The following BUB1B variants were observed in gnomAD, a reference collection of about 807,000 sequenced individuals.
The protein encoded by BUB1B is BUB1 mitotic checkpoint serine/threonine kinase B.
A neutral mutation model predicts 137.7 loss-of-function variants in BUB1B; 86 were observed. That is an observed-to-expected ratio of 0.62 (90% CI 0.52 to 0.75). BUB1B has a LOEUF of 0.75. Ranked by LOEUF, BUB1B falls within the 30% of genes least tolerant of loss-of-function variation. BUB1B has a pLI of 0.00. For synonymous variants in BUB1B, 420 were observed against 417.9 expected (o/e 1.00, Z -0.06); for missense variants, 1,130 against 1,236.9 (o/e 0.91, Z 1.30).
chr15:40,170,255 T>A, intron 3 of BUB1B, 134 bp downstream of exon 3: 1 of 880,826 alleles, frequency 1.1e-6, no homozygotes. Context: ...AGATCCAGAA[T>A]AATCATAATA....
rs1261983173 is a variant in BUB1B, at chr15:40,220,961, T to C, written c.*202T>C. 1.6e-6 allele frequency: 1 copy of C among 616,314 alleles called. No homozygotes were observed. The allele number at this position is 616,314 out of a possible 1,614,324, so 38.2% of individuals were successfully genotyped here. A position where few individuals can be genotyped will look rare whatever the true frequency, so the allele number is the denominator to read the frequency against. ...CTTACTCATGGCCTTGTCTAACTTT[T>C]GTGAAGAACTATTTTATTCTAAACA... On this transcript the variant is annotated 3_prime_UTR_variant, in exon 23 of 23. Coordinates refer to ENST00000287598, the MANE Select transcript of BUB1B (RefSeq NM_001211.6).
chr15:40,210,993 G>T (rs2140906880), intron 18 of BUB1B, among the ~76,000 whole-genome samples: 1 of 152,240 alleles, frequency 6.6e-6, no homozygotes, highest in South Asian at 2.1e-4. Flanking sequence ...TCAGTTCTGA[G>T]AAATTTTCTT....
At chr15:40,209,912 C>T (rs1462401833) in intron 17 of BUB1B, 137 bp downstream of exon 17, 2 of 1,120,716 alleles carry the variant, frequency 1.8e-6, no homozygotes, top group Non-Finnish European at 2.7e-6. Flanking sequence ...GAGGATGACA[C>T]ATCAGTAACT....
Position 40,194,087 on chromosome 15 carries a change from A to G in BUB1B, c.1059-2458A>G, listed in dbSNP as rs557688679. ...GAAGTATTTTACTATTTTTGAAGCT[A>G]TAGTAAATAGAATTGTTTTCTTAAT... On this transcript the variant is annotated intron_variant, in intron 8 of 22. Coordinates refer to ENST00000287598, the MANE Select transcript of BUB1B (RefSeq NM_001211.6). Among the ~76,000 whole-genome samples the G allele has an allele frequency of 2.6e-5, 4 of 151,994 alleles. No homozygotes were observed. In the East Asian group the frequency reaches 5.8e-4, roughly 22 times the overall value.
chr15:40,202,055 G>A (rs1383167359), intron 12 of BUB1B, among the ~76,000 whole-genome samples: 1 of 152,034 alleles, frequency 6.6e-6, no homozygotes, highest in Non-Finnish European at 1.5e-5. Flanking sequence ...CATTTTATAG[G>A]TAGGTATCAT....
At chr15:40,219,685 A>C (rs554519397) in intron 22 of BUB1B, among the ~76,000 whole-genome samples, 1 of 151,490 alleles carries the variant, frequency 6.6e-6, no homozygotes, top group East Asian at 1.9e-4. Context: ...GCGCCACTGC[A>C]CTCCACCCAG....
At chr15:40,185,695 G>C (rs982767465) in intron 8 of BUB1B, 53 bp downstream of exon 8, 6 of 1,528,912 alleles carry the variant, frequency 3.9e-6, no homozygotes, top group Non-Finnish European at 5.4e-6. Context: ...GGTGGGCAGA[G>C]GCACCTATTC....
At chr15:40,172,258 C>CTAAAA (rs2037172773) in intron 4 of BUB1B, among the ~76,000 whole-genome samples, 1 of 151,838 alleles carries the variant, frequency 6.6e-6, no homozygotes. Context: ...AAATTTCTTA[C>CTAAAA]TAAAGTCTTA....
At chr15:40,196,898 A>G in intron 9 of BUB1B, 124 bp downstream of exon 9, 1 of 874,564 alleles carries the variant, frequency 1.1e-6, no homozygotes, top group South Asian at 1.6e-5. Context: ...CTATGGTAGT[A>G]CTGTTTCTTT....
intron 11 of BUB1B, 33 bp downstream of exon 11, chr15:40,200,392 A>G: frequency 6.5e-7 from 1 of 1,546,600 alleles, no homozygotes; most frequent in African/African-American, 1.4e-5. Context: ...GACAATGCAT[A>G]TAGGAGGGCA....
Position 40,212,608 on chromosome 15 carries a change from G to A in BUB1B, c.2495G>A (p.Cys832Tyr). 1 of 1,613,568 alleles carries A rather than the reference G, an allele frequency of 6.2e-7. No homozygotes were observed. ...AGCTGTTATCAATATCAAGATGGCTGTATTGTTTGGCACCAATATATAAAC... is the reference window on the plus strand; with the variant it reads ...AGCTGTTATCAATATCAAGATGGCTATATTGTTTGGCACCAATATATAAAC... ...FCSCYQYQDG[C>Y]IVWHQYINCF... The change falls in exon 19 of 23, where the codon TGT becomes TAT. Residue 832 changes from cysteine to tyrosine, a missense_variant. Cys to Tyr is a radical substitution (Grantham distance 194, BLOSUM62 -2). Transcript: ENST00000287598.
intron 2 of BUB1B, among the ~76,000 whole-genome samples, chr15:40,169,400 T>A (rs1010118501): frequency 2.0e-5 from 3 of 152,072 alleles, no homozygotes; most frequent in African/African-American, 7.2e-5. Flanking sequence ...ATGAGGAAAC[T>A]GAAAACAGAG....
chr15:40,198,248 T>TTTGTTTTTTTTTTG (rs1223926367), intron 9 of BUB1B, among the ~76,000 whole-genome samples: 1 of 151,846 alleles, frequency 6.6e-6, no homozygotes, highest in African/African-American at 2.4e-5. Context: ...TGTTTTTTTT[T>TTTGTTTTTTTTTTG]TTTTTAAATA....
chr15:40,201,227 T>C (rs1387108558), intron 12 of BUB1B, among the ~76,000 whole-genome samples: 1 of 152,202 alleles, frequency 6.6e-6, no homozygotes, highest in Admixed American at 6.5e-5. Context: ...CACCAAATCT[T>C]ATACTTTAGT....
At chr15:40,171,277 G>A (rs1397464545) in intron 4 of BUB1B, among the ~76,000 whole-genome samples, 1 of 152,204 alleles carries the variant, frequency 6.6e-6, no homozygotes, top group East Asian at 1.9e-4. Context: ...ACTGGGTGCA[G>A]TGTTTCATGT....
At chr15:40,168,421 T>C (rs1595509933) in intron 2 of BUB1B, among the ~76,000 whole-genome samples, 1 of 152,128 alleles carries the variant, frequency 6.6e-6, no homozygotes, top group Non-Finnish European at 1.5e-5. Flanking sequence ...GGGATTTTGA[T>C]TACATTGGTT....
Position 40,220,223 on chromosome 15 carries a change from A to G in BUB1B, c.2958-341A>G, listed in dbSNP as rs117653323. Among the ~76,000 whole-genome samples the G allele has an allele frequency of 4.1e-4, 63 of 152,364 alleles. No individual in the cohort carries two copies. In the East Asian group the frequency reaches 0.011, roughly 27 times the overall value. On this transcript the variant is annotated intron_variant, in intron 22 of 22. Transcript: ENST00000287598. Reference sequence around the variant, plus strand: ...GGAGAAAGGAGCTGTAGCCTTTTTAATGACCTAGACTCTAGGAAAGTTAGA... The same window carrying G: ...GGAGAAAGGAGCTGTAGCCTTTTTAGTGACCTAGACTCTAGGAAAGTTAGA...
rs1230798255 is a variant in BUB1B at position 40,196,521 on chromosome 15, A to G, written c.1059-24A>G. On this transcript the variant is annotated intron_variant, in intron 8 of 22. Transcript: ENST00000287598. ...ATTTTTTTTATTTTGACCCATATGA[A>G]TAATAGTAATTTTGCTTCTTTAGGA... The G allele has an allele frequency of 7.6e-6, 12 of 1,572,174 alleles. No individual in the cohort carries two copies. The South Asian group carries it at 1.3e-4, about 17-fold the overall frequency.
At chr15:40,166,010 G>A (rs1056157284) in intron 2 of BUB1B, among the ~76,000 whole-genome samples, 10 of 152,024 alleles carry the variant, frequency 6.6e-5, no homozygotes, top group Admixed American at 1.3e-4. Flanking sequence ...GCGCCGCCAC[G>A]CCTGGGTAAT....
Sources: allele counts gnomAD v4.1 joint callset (sites outside exome capture counted in the v4.1 genomes callset), GRCh38; gene constraint gnomAD v4.1.1; transcripts MANE v1.5; gene names NCBI Gene and HGNC (gene_info 2026-07-23, HGNC 2026-07-21).